Variants in APTX observed in about 807,000 individuals in gnomAD.
The protein encoded by APTX is forkhead-associated domain histidine triad-like protein.
Under a neutral mutation model 42.3 loss-of-function variants are expected in APTX, and 33 were observed. The ratio of observed to expected loss-of-function variants is 0.78; its 90% CI spans 0.59 to 1.04. The LOEUF (loss-of-function observed/expected upper bound fraction) is 1.04. Ranked by LOEUF, APTX falls within the 50% of genes least tolerant of loss-of-function variation. APTX has a pLI of 0.00. For missense variants in APTX, 421 were observed against 415.1 expected (o/e 1.01, Z -0.12); for synonymous variants, 130 against 146.7 (o/e 0.89, Z 0.82).
intron 5 of APTX, 26 bp downstream of exon 5, chr9:32,985,945 C>T: frequency 1.3e-6 from 2 of 1,588,918 alleles, no homozygotes; most frequent in East Asian, 2.3e-5. Flanking sequence ...ATGAAATGTA[C>T]TGAAATTCCA....
At chr9:33,020,015 G>T in intron 1 of APTX, 1 of 404,636 alleles carries the variant, frequency 2.5e-6, no homozygotes, top group Non-Finnish European at 4.5e-6. Context: ...GACACGTGCG[G>T]TGGGGGAGCT....
intron 1 of APTX, among the ~76,000 whole-genome samples, chr9:33,011,894 T>G (rs1837567465): frequency 6.6e-6 from 1 of 152,232 alleles, no homozygotes; most frequent in Admixed American, 6.5e-5. Flanking sequence ...ATTGCATTGC[T>G]GCTCTTTCTC....
At chr9:33,020,172 G>A in intron 1 of APTX, 1 of 300,100 alleles carries the variant, frequency 3.3e-6, no homozygotes, top group East Asian at 5.4e-5. Context: ...GTAAACTAAA[G>A]AAAAAAGTAT....
At chr9:32,986,473 A>C (rs144623917) in intron 4 of APTX, among the ~76,000 whole-genome samples, 541 of 152,030 alleles carry the variant, frequency 3.6e-3, no homozygotes, top group African/African-American at 0.013. Context: ...CTGGGATTAC[A>C]GGCGTGAGCC....
chr9:33,017,190 TCA>T (rs1837962435), intron 1 of APTX, among the ~76,000 whole-genome samples: 1 of 152,186 alleles, frequency 6.6e-6, no homozygotes, highest in Non-Finnish European at 1.5e-5. Context: ...GGTTAAGGGC[TCA>T]GTCTCACAAG....
intron 1 of APTX, among the ~76,000 whole-genome samples, chr9:33,013,799 G>T (rs184574131): frequency 6.6e-6 from 1 of 152,118 alleles, no homozygotes; most frequent in Non-Finnish European, 1.5e-5. Flanking sequence ...GCAAGACTCC[G>T]TCTAAAAAAC....
chr9:32,997,862 T>C (rs1835324205), intron 1 of APTX, among the ~76,000 whole-genome samples: 1 of 152,158 alleles, frequency 6.6e-6, no homozygotes, highest in Non-Finnish European at 1.5e-5. Context: ...CATGGACAGA[T>C]CTTTAAAGAT....
chr9:32,976,801 A>G (rs1181190401), intron 6 of APTX, among the ~76,000 whole-genome samples: 1 of 152,232 alleles, frequency 6.6e-6, no homozygotes, highest in Non-Finnish European at 1.5e-5. Flanking sequence ...AAAATCTATT[A>G]AGTACAATAC....
chr9:33,010,065 A>C (rs756869716), intron 1 of APTX, among the ~76,000 whole-genome samples: 4 of 152,022 alleles, frequency 2.6e-5, no homozygotes, highest in Non-Finnish European at 5.9e-5. Context: ...TTCTCTGGCT[A>C]CTTTAAAGAC....
rs1828880914 is a variant in APTX, at chr9:32,974,578, A to AG, written c.771-18_771-17insC. ...TGTACATGGCTAGTTGAAAGAAAAAAAAACTGAGCATTAAACTCTTTAACA... is the reference window on the plus strand; with the variant it reads ...TGTACATGGCTAGTTGAAAGAAAAAAGAAACTGAGCATTAAACTCTTTAACA... On this transcript the variant is annotated splice_polypyrimidine_tract_variant and intron_variant, in intron 6 of 7. Coordinates refer to ENST00000379817, the MANE Select transcript of APTX (RefSeq NM_001195248.2). The AG allele has an allele frequency of 1.4e-6, 2 of 1,449,484 alleles. No individual in the cohort carries two copies. Among genetic ancestry groups the AG allele is most frequent in the East Asian group, 4.5e-5 (2 of 43,998 alleles). The allele number at this position is 1,449,484 out of a possible 1,614,324, so 89.8% of individuals were successfully genotyped here.
At chr9:32,986,430 C>T (rs374069943) in intron 4 of APTX, among the ~76,000 whole-genome samples, 1 of 151,994 alleles carries the variant, frequency 6.6e-6, no homozygotes, top group East Asian at 1.9e-4. Flanking sequence ...CTCCTCACCT[C>T]AGGTGATCCA....
rs570787198 is a variant in APTX at position 33,007,420 on chromosome 9, G to A, written c.-4-17525C>T. On this transcript the variant is annotated intron_variant, in intron 1 of 6. Transcript: ENST00000436040. ...TGAGCAAGAATGGACTAGTGGGGAA[G>A]GCAAAAGCAGAAAAGTGGAAAGCAG... 2.6e-5 allele frequency among the ~76,000 whole-genome samples: 4 copies of A among 152,316 alleles called. No homozygotes were observed. In the East Asian group the frequency reaches 7.7e-4, roughly 29 times the overall value.
At chr9:33,024,459 C>G (rs1838680573) in intron 1 of APTX, among the ~76,000 whole-genome samples, 1 of 152,156 alleles carries the variant, frequency 6.6e-6, no homozygotes, top group Non-Finnish European at 1.5e-5. Context: ...TTCCCTGACC[C>G]GTAGGATTTA....
intron 1 of APTX, among the ~76,000 whole-genome samples, chr9:32,991,636 G>A (rs1213329289): frequency 6.6e-6 from 1 of 152,028 alleles, no homozygotes; most frequent in East Asian, 1.9e-4. Flanking sequence ...ACAAAAATTA[G>A]CCAGGTGTGG....
intron 1 of APTX, among the ~76,000 whole-genome samples, chr9:33,006,999 CAAAAAAAAAAAAAA>C (rs55924566): frequency 2.0e-5 from 1 of 49,444 alleles, no homozygotes; most frequent in Non-Finnish European, 3.5e-5. Context: ...GACTCTGTCT[CAAAAAAAAAAAAAA>C]AAAAAAAAAA....
At chr9:32,991,791 A>G (rs1380840584) in intron 1 of APTX, among the ~76,000 whole-genome samples, 4 of 152,012 alleles carry the variant, frequency 2.6e-5, no homozygotes, top group African/African-American at 9.7e-5. Context: ...AAAAAAAAAA[A>G]AGGCGAGACA....
chr9:32,973,740 G>T, intron 7 of APTX, 88 bp from the exon 8 acceptor site: 1 of 1,533,528 alleles, frequency 6.5e-7, no homozygotes, highest in South Asian at 1.1e-5. Flanking sequence ...TCAAAAACGT[G>T]ACTCCAATCA....
chr9:32,977,855 G>T (rs10971258), intron 6 of APTX, among the ~76,000 whole-genome samples: 10,786 of 151,728 alleles, frequency 0.071, 509 homozygotes, highest in Non-Finnish European at 0.11. Context: ...AAAAAAAAAC[G>T]GAAACAGATA....
intron 2 of APTX, among the ~76,000 whole-genome samples, chr9:32,988,685 GGAAAAAAAAAAAAAAA>G (rs1317145759): frequency 1.7e-5 from 1 of 60,472 alleles, no homozygotes; most frequent in Non-Finnish European, 3.1e-5. Context: ...TATCTCAGGA[GGAAAAAAAAAAAAAAA>G]AAAAAAAAAA....
Sources: gnomAD v4.1 joint callset for allele counts (sites outside exome capture counted in the v4.1 genomes callset) on GRCh38, gnomAD v4.1.1 for gene constraint, MANE v1.5 for transcripts, NCBI Gene and HGNC (gene_info 2026-07-23, HGNC 2026-07-21) for gene names.